Variants in TRMT11 observed in about 807,000 individuals in gnomAD.
TRMT11 encodes tRNA (guanine(10)-N(2))-methyltransferase TRMT11.
A neutral mutation model predicts 62.8 loss-of-function variants in TRMT11; 53 were observed. That is an observed-to-expected ratio of 0.84 (90% CI 0.68 to 1.06). TRMT11 has a LOEUF of 1.06. Ranked by LOEUF, TRMT11 falls within the 50% of genes least tolerant of loss-of-function variation. The pLI is 0.00. For synonymous variants in TRMT11, 188 were observed against 190.3 expected (o/e 0.99, Z 0.10); for missense variants, 556 against 553.4 (o/e 1.00, Z -0.05).
the TRMT11 span, among the ~76,000 whole-genome samples, chr6:126,247,479 A>ATCTATCTG: frequency 6.5e-4 from 96 of 148,826 alleles, no homozygotes; most frequent in African/African-American, 2.0e-3. Flanking sequence ...CTATCTATCT[A>ATCTATCTG]TCTATCTATC....
the TRMT11 span, among the ~76,000 whole-genome samples, chr6:126,263,544 A>G: frequency 2.6e-5 from 4 of 152,230 alleles, no homozygotes; most frequent in Non-Finnish European, 5.9e-5. Context: ...ACAAAGAGCT[A>G]ATGAGAGGTA....
intron 17 of TRMT11, among the ~76,000 whole-genome samples, chr6:126,059,782 T>G (rs1776478045): frequency 6.6e-6 from 1 of 152,176 alleles, no homozygotes; most frequent in African/African-American, 2.4e-5. Context: ...AGCAATTGGC[T>G]TTCATCTCCT....
intron 21 of TRMT11, among the ~76,000 whole-genome samples, chr6:126,128,028 G>A (rs1210773273): frequency 5.9e-5 from 9 of 152,050 alleles, no homozygotes; most frequent in Non-Finnish European, 5.9e-5. Flanking sequence ...AAGCCTAGCG[G>A]AATGGATTTA....
chr6:125,993,629 A>T, intron 1 of TRMT11, 128 bp from the exon 2 acceptor site: 7 of 460,806 alleles, frequency 1.5e-5, no homozygotes, highest in East Asian at 3.5e-5. Flanking sequence ...TCTGATGTTG[A>T]AGCTTAAATG....
the TRMT11 span, among the ~76,000 whole-genome samples, chr6:126,253,769 C>T: frequency 6.6e-6 from 1 of 152,166 alleles, no homozygotes; most frequent in Non-Finnish European, 1.5e-5. Flanking sequence ...TAGGCTATCC[C>T]CTAGTCAGGA....
intron 2 of TRMT11, among the ~76,000 whole-genome samples, chr6:125,994,732 A>G (rs977136464): frequency 5.9e-5 from 9 of 152,232 alleles, no homozygotes; most frequent in Non-Finnish European, 1.2e-4. Flanking sequence ...TAGACTGGAT[A>G]ATGAAAATGT....
At chr6:126,238,698 G>C in the TRMT11 span, among the ~76,000 whole-genome samples, 1 of 152,194 alleles carries the variant, frequency 6.6e-6, no homozygotes, top group Admixed American at 6.5e-5. Flanking sequence ...CTGATTTGGG[G>C]TGGAGAGTTC....
At chr6:126,030,846 T>A (rs2128041600) in intron 12 of TRMT11, among the ~76,000 whole-genome samples, 1 of 152,320 alleles carries the variant, frequency 6.6e-6, no homozygotes, top group South Asian at 2.1e-4. Flanking sequence ...AGTGGAAATA[T>A]CTTATTTTTA....
chr6:126,012,463 A>G (rs1009627635), intron 9 of TRMT11, among the ~76,000 whole-genome samples: 10 of 152,212 alleles, frequency 6.6e-5, no homozygotes, highest in African/African-American at 2.4e-4. Flanking sequence ...TTTATGGCAT[A>G]TATTCTCCCT....
chr6:126,186,889 A>G (rs1466283630), intron 1 of TRMT11, among the ~76,000 whole-genome samples: 1 of 152,098 alleles, frequency 6.6e-6, no homozygotes, highest in African/African-American at 2.4e-5. Context: ...GTATTAATAA[A>G]GAAATATTCT....
At chr6:126,041,877 A>C (rs1583835446), downstream of TRMT11, among the ~76,000 whole-genome samples, 1 of 152,188 alleles carries the variant, frequency 6.6e-6, no homozygotes. Context: ...GTTATTTAGA[A>C]AACTAAACAC....
chr6:126,052,868 T>C (rs1776258561), intron 16 of TRMT11, among the ~76,000 whole-genome samples: 1 of 152,210 alleles, frequency 6.6e-6, no homozygotes, highest in South Asian at 2.1e-4. Flanking sequence ...TTGCCTCCAG[T>C]CTGTCTTTCT....
At chr6:126,088,046 TA>T (rs890284658) in intron 17 of TRMT11, among the ~76,000 whole-genome samples, 1 of 152,094 alleles carries the variant, frequency 6.6e-6, no homozygotes, top group African/African-American at 2.4e-5. Context: ...TTATTCACTT[TA>T]AAAAATTATT....
chr6:126,254,764 C>T, the TRMT11 span, among the ~76,000 whole-genome samples: 1 of 152,068 alleles, frequency 6.6e-6, no homozygotes, highest in South Asian at 2.1e-4. Context: ...CTGTTAAATG[C>T]CATTAGCTCA....
At chr6:126,080,535 G>A (rs1185954491) in intron 17 of TRMT11, among the ~76,000 whole-genome samples, 1 of 152,126 alleles carries the variant, frequency 6.6e-6, no homozygotes, top group African/African-American at 2.4e-5. Context: ...CTTGAGGAAG[G>A]ATTCTGCATC....
chr6:125,996,999 ACT>A (rs903016338), intron 3 of TRMT11, among the ~76,000 whole-genome samples: 2 of 151,908 alleles, frequency 1.3e-5, no homozygotes, highest in African/African-American at 2.4e-5. Context: ...CTTTTAAAAA[ACT>A]CTTTTTGAAT....
intron 1 of TRMT11, 145 bp from the exon 2 acceptor site, chr6:125,993,612 G>T: frequency 4.5e-5 from 19 of 423,490 alleles, no homozygotes; most frequent in Non-Finnish European, 5.1e-5. Flanking sequence ...ACCCTAAATT[G>T]TAATTGTCTG....
the TRMT11 span, among the ~76,000 whole-genome samples, chr6:126,225,318 G>A: frequency 3.3e-5 from 5 of 152,144 alleles, no homozygotes; most frequent in Non-Finnish European, 7.3e-5. Context: ...TCCATGGAGA[G>A]AGGGGGCCAC....
chr6:126,257,644 G>A, the TRMT11 span, among the ~76,000 whole-genome samples: 1 of 151,990 alleles, frequency 6.6e-6, no homozygotes, highest in Non-Finnish European at 1.5e-5. Flanking sequence ...TCTTTGATTC[G>A]AGACTTTTTA....
Sources: allele counts gnomAD v4.1 joint callset (sites outside exome capture counted in the v4.1 genomes callset), GRCh38; gene constraint gnomAD v4.1.1; transcripts MANE v1.5; gene names NCBI Gene and HGNC (gene_info 2026-07-23, HGNC 2026-07-21).